Variants in USH2A observed in about 807,000 individuals in gnomAD.
The protein encoded by USH2A is usherin, also known as Usher syndrome 2A (autosomal recessive, mild).
In USH2A, 443 loss-of-function variants were observed where a neutral mutation model predicts 538.9. That is an observed-to-expected ratio of 0.82 (90% CI 0.76 to 0.89). USH2A has a LOEUF of 0.89. Ranked by LOEUF, USH2A falls within the 40% of genes least tolerant of loss-of-function variation. The pLI is 0.00. For missense variants in USH2A, 6,633 were observed against 6,324.8 expected (o/e 1.05, Z -1.65); for synonymous variants, 2,413 against 2,273.5 (o/e 1.06, Z -1.75).
chr1:215,988,169 G>A (rs1003553275), intron 35 of USH2A, among the ~76,000 whole-genome samples: 8 of 151,810 alleles, frequency 5.3e-5, no homozygotes. Flanking sequence ...TAAACCCATT[G>A]AACAGCAACT....
At chr1:215,629,672 C>T (rs1015456140) in intron 70 of USH2A, among the ~76,000 whole-genome samples, 1 of 151,868 alleles carries the variant, frequency 6.6e-6, no homozygotes, top group East Asian at 1.9e-4. Flanking sequence ...TAATTTAGAC[C>T]TAGAACGCGC....
chr1:216,394,909 G>A (rs59241396), intron 3 of USH2A, among the ~76,000 whole-genome samples: 4,626 of 151,590 alleles, frequency 0.031, 236 homozygotes, highest in African/African-American at 0.1. Context: ...TAGTAGAGAC[G>A]GGTTTTCACC....
rs566691083 is a variant in USH2A at position 215,742,898 on chromosome 1, T to C, written c.11548+279A>G. ...TGTTTTATATTACCAAAGACTCCTT[T>C]ATGTGAGCTAGGTGTTTTTCTTTCA... On this transcript the variant is annotated intron_variant, in intron 59 of 71. Coordinates refer to ENST00000307340, the MANE Select transcript of USH2A (RefSeq NM_206933.4). Among the ~76,000 whole-genome samples the C allele has an allele frequency of 3.9e-4, 60 of 152,176 alleles. 1 individual carries two copies. Among genetic ancestry groups the C allele is most frequent in the Non-Finnish European group, 6.9e-4 (47 of 68,026 alleles).
intron 64 of USH2A, among the ~76,000 whole-genome samples, chr1:215,667,000 A>C (rs1444100376): frequency 6.6e-6 from 1 of 152,144 alleles, no homozygotes; most frequent in Admixed American, 6.5e-5. Context: ...GTGAGGCAGG[A>C]GAATTGACTG....
rs1358409367 is a variant in USH2A, at chr1:215,623,556, A to C, written c.*2225T>G. ...TTAAAGTAGCAAAGCAACATCTTAG[A>C]GTTCTTCTCTGAAATAAATACAAGT... On this transcript the variant is annotated 3_prime_UTR_variant, in exon 72 of 72. Transcript: ENST00000307340. The C allele has an allele frequency of 6.6e-6, 1 of 152,134 alleles. No individual in the cohort carries two copies. The highest frequency in any genetic ancestry group is 6.6e-5 in the Admixed American group (1 of 15,260). The allele number at this position is 152,134 out of a possible 1,614,324, so 9.4% of individuals were successfully genotyped here.
At chr1:215,873,167 A>G (rs1664667915) in intron 43 of USH2A, among the ~76,000 whole-genome samples, 1 of 152,232 alleles carries the variant, frequency 6.6e-6, no homozygotes, top group Non-Finnish European at 1.5e-5. Context: ...TGACCAATTT[A>G]ATTTGAATGT....
At chr1:215,802,959 C>G (rs951509208) in intron 49 of USH2A, among the ~76,000 whole-genome samples, 3 of 151,892 alleles carry the variant, frequency 2.0e-5, no homozygotes, top group Non-Finnish European at 2.9e-5. Flanking sequence ...CTGACACGTA[C>G]GACAACATGA....
chr1:215,632,086 G>A (rs911396430), intron 70 of USH2A, among the ~76,000 whole-genome samples: 3 of 151,694 alleles, frequency 2.0e-5, no homozygotes, highest in African/African-American at 7.3e-5. Context: ...GTTTTGTGAC[G>A]GAGTCTCGCT....
rs767501966 is a variant in USH2A at position 215,782,877 on chromosome 1, A to G, written c.10446T>C (p.Tyr3482=). 5.6e-6 allele frequency: 9 copies of G among 1,613,780 alleles called. No individual in the cohort carries two copies. The highest frequency in any genetic ancestry group is 7.6e-6 in the Non-Finnish European group (9 of 1,179,910). ...YEYRISAWNS[Y]GRGLSKAVRA... ...TCACAGCTTTGCTGAGTCCTCGCCC[A>G]TAGCTGTTCCAGGCAGAAATCCTGT... Residue 3482 remains tyrosine, a synonymous_variant, in exon 53 of 72, where the codon TAT becomes TAC. Transcript: ENST00000307340.
chr1:216,168,210 A>T (rs12057642), intron 21 of USH2A, among the ~76,000 whole-genome samples: 10,513 of 152,146 alleles, frequency 0.069, 1,162 homozygotes, highest in African/African-American at 0.24. Flanking sequence ...CAACCCATTT[A>T]AGCTGAATGA....
At chr1:215,795,658 C>G (rs908645061) in intron 50 of USH2A, among the ~76,000 whole-genome samples, 1 of 152,112 alleles carries the variant, frequency 6.6e-6, no homozygotes, top group African/African-American at 2.4e-5. Flanking sequence ...ACTTTTGCAC[C>G]CTCCCTGCCA....
chr1:216,070,211 A>G lies in USH2A; in HGVS notation c.5939T>C (p.Val1980Ala). The stretch of plus-strand genomic sequence containing the variant: ...AATGTACTTCTCAATTACACCTCTG[A>G]CAACAGGTTCATCCCAGGTCACCTC... ...SIEVTWDEPV[V>A]RGVIEKYILK... Residue 1980 changes from valine (V) to alanine (A), a missense_variant, in exon 30 of 72, where the codon GTC (valine) becomes GCC (alanine). Physicochemically the swap from Val to Ala is moderately conservative, Grantham distance 64 (BLOSUM62 0). Coordinates refer to ENST00000307340, the MANE Select transcript of USH2A (RefSeq NM_206933.4). 6.2e-7 allele frequency: 1 copy of G among 1,614,004 alleles called. No individual in the cohort carries two copies.
At chr1:216,274,398 T>A (rs2102585635) in intron 11 of USH2A, among the ~76,000 whole-genome samples, 1 of 152,230 alleles carries the variant, frequency 6.6e-6, no homozygotes. Flanking sequence ...TCTATATTTA[T>A]TTGTCTATAT....
intron 50 of USH2A, among the ~76,000 whole-genome samples, chr1:215,793,046 T>C (rs1373820231): frequency 6.6e-6 from 1 of 152,174 alleles, no homozygotes; most frequent in East Asian, 1.9e-4. Flanking sequence ...TTTCCATTGA[T>C]TGGACACAAC....
chr1:215,628,891 G>C lies in USH2A; in HGVS notation c.15442C>G (p.Leu5148Val). Reference sequence around the variant, plus strand: ...ACTTTCTTGTCTTGAATGTCCATGAGCTGGCTGACGCTGCGGTGAAGAGAA... The same window carrying C: ...ACTTTCTTGTCTTGAATGTCCATGACCTGGCTGACGCTGCGGTGAAGAGAA... ...QGSLHRSVSQ[L>V]MDIQDKKVLM... The change falls in exon 71 of 72, where the codon CTC becomes GTC. Residue 5148 changes from leucine (L) to valine (V), a missense_variant. Coordinates refer to ENST00000307340, the MANE Select transcript of USH2A (RefSeq NM_206933.4). The C allele has an allele frequency of 6.2e-7, 1 of 1,614,154 alleles. No individual in the cohort carries two copies.
chr1:215,802,853 C>A (rs1662378132), intron 49 of USH2A, among the ~76,000 whole-genome samples: 1 of 152,006 alleles, frequency 6.6e-6, no homozygotes, highest in Non-Finnish European at 1.5e-5. Flanking sequence ...AGTCACTAGG[C>A]AGAAATAACC....
At chr1:215,751,460 G>A (rs1214158776) in intron 58 of USH2A, among the ~76,000 whole-genome samples, 1 of 152,046 alleles carries the variant, frequency 6.6e-6, no homozygotes, top group Non-Finnish European at 1.5e-5. Context: ...TTAAGGGCTA[G>A]AACAGTTCAA....
At chr1:216,323,323 G>T in intron 8 of USH2A, 151 bp downstream of exon 8, 1 of 514,714 alleles carries the variant, frequency 1.9e-6, no homozygotes. Flanking sequence ...ATAGAGAAAA[G>T]ACTCACATAC....
At chr1:215,873,039 T>C (rs1389298106) in intron 43 of USH2A, among the ~76,000 whole-genome samples, 3 of 152,048 alleles carry the variant, frequency 2.0e-5, no homozygotes, top group Non-Finnish European at 4.4e-5. Flanking sequence ...GGTGTTTCTT[T>C]AGAGCATTGC....
Sources: gnomAD v4.1 joint callset for allele counts (sites outside exome capture counted in the v4.1 genomes callset) on GRCh38, gnomAD v4.1.1 for gene constraint, MANE v1.5 for transcripts, NCBI Gene and HGNC (gene_info 2026-07-23, HGNC 2026-07-21) for gene names.